Variants in WDPCP observed in about 807,000 individuals in gnomAD.
WDPCP encodes WD repeat containing planar cell polarity effector, also known as WD repeat-containing and planar cell polarity effector protein fritz homolog.
A neutral mutation model predicts 93.1 loss-of-function variants in WDPCP; 71 were observed. That is an observed-to-expected ratio of 0.76 (90% CI 0.63 to 0.93). WDPCP has a LOEUF of 0.93. WDPCP is among the 40% of genes least tolerant of loss of function. The probability of loss-of-function intolerance (pLI) is 0.00; values close to 1 mark genes in which losing one functional copy is unlikely to be tolerated. For synonymous variants in WDPCP, 315 were observed against 315.0 expected (o/e 1.00, Z 0.00); for missense variants, 844 against 887.4 (o/e 0.95, Z 0.62).
At chr2:63,467,410 G>A (rs1352701834) in intron 6 of WDPCP, among the ~76,000 whole-genome samples, 2 of 151,892 alleles carry the variant, frequency 1.3e-5, no homozygotes, top group South Asian at 2.1e-4. Context: ...AACCCAGGAG[G>A]TGGAGGTTGG....
At chr2:63,300,825 C>T (rs940161823) in intron 13 of WDPCP, among the ~76,000 whole-genome samples, 2 of 152,222 alleles carry the variant, frequency 1.3e-5, no homozygotes, top group African/African-American at 4.8e-5. Flanking sequence ...CATGTCATTT[C>T]CAGGTCTCTG....
At chr2:63,224,951 G>GA (rs1464815936) in intron 14 of WDPCP, among the ~76,000 whole-genome samples, 3 of 151,772 alleles carry the variant, frequency 2.0e-5, no homozygotes, top group African/African-American at 7.3e-5. Flanking sequence ...TACCATTCTA[G>GA]AAGGGGATGT....
chr2:63,464,621 G>A (rs1381820474), intron 6 of WDPCP, among the ~76,000 whole-genome samples: 2 of 151,966 alleles, frequency 1.3e-5, no homozygotes. Context: ...ACTCTAAGAG[G>A]TGGAAGCAAT....
chr2:63,165,487 AT>A (rs1679082126), intron 15 of WDPCP, among the ~76,000 whole-genome samples: 1 of 151,634 alleles, frequency 6.6e-6, no homozygotes, highest in Non-Finnish European at 1.5e-5. Flanking sequence ...GTTTTTCTTT[AT>A]TTTCAATGCT....
intron 2 of WDPCP, among the ~76,000 whole-genome samples, chr2:63,791,817 T>C (rs1479394245): frequency 6.6e-6 from 1 of 152,164 alleles, no homozygotes; most frequent in Non-Finnish European, 1.5e-5. Flanking sequence ...TTACTGAATG[T>C]TTCTAGACCT....
At chr2:63,499,066 T>C (rs930438278) in intron 1 of WDPCP, among the ~76,000 whole-genome samples, 1 of 152,226 alleles carries the variant, frequency 6.6e-6, no homozygotes, top group Admixed American at 6.5e-5. Flanking sequence ...GAGTCATAGA[T>C]ACAAAGTTTT....
chr2:63,792,228 TG>T (rs547341748), intron 2 of WDPCP, among the ~76,000 whole-genome samples: 35 of 152,182 alleles, frequency 2.3e-4, no homozygotes, highest in Non-Finnish European at 4.4e-4. Flanking sequence ...TCCACATGGC[TG>T]GGGAGGCCTC....
intron 2 of WDPCP, among the ~76,000 whole-genome samples, chr2:63,687,074 G>C (rs1486026196): frequency 6.6e-6 from 1 of 152,036 alleles, no homozygotes; most frequent in East Asian, 1.9e-4. Flanking sequence ...TAGCTGATGA[G>C]CTAAAAAAAA....
chr2:63,802,030 T>C (rs929352379), intron 2 of WDPCP, among the ~76,000 whole-genome samples: 1 of 152,030 alleles, frequency 6.6e-6, no homozygotes, highest in African/African-American at 2.4e-5. Context: ...TCAAGAAAGG[T>C]TATCAAAGAA....
intron 6 of WDPCP, among the ~76,000 whole-genome samples, chr2:63,475,189 G>C (rs1699907690): frequency 6.6e-6 from 1 of 152,080 alleles, no homozygotes; most frequent in Admixed American, 6.6e-5. Context: ...TGTCAAAAGA[G>C]GAAATCAAAT....
chr2:63,575,469 A>ACTGTATATACAGTATATACACT (rs760952950), intron 1 of WDPCP, among the ~76,000 whole-genome samples: 1 of 16,314 alleles, frequency 6.1e-5, no homozygotes, highest in Non-Finnish European at 1.2e-4. Context: ...GTATATATGC[A>ACTGTATATACAGTATATACACT]GTATATACAG....
At chr2:63,553,824 T>C (rs1464248393) in intron 1 of WDPCP, among the ~76,000 whole-genome samples, 1 of 152,154 alleles carries the variant, frequency 6.6e-6, no homozygotes, top group Non-Finnish European at 1.5e-5. Flanking sequence ...ATTCCCCAAT[T>C]AACATTTTAC....
At chr2:63,729,984 T>C (rs1026095284) in intron 2 of WDPCP, among the ~76,000 whole-genome samples, 2 of 152,178 alleles carry the variant, frequency 1.3e-5, no homozygotes, top group African/African-American at 4.8e-5. Context: ...ATAGTGAGAA[T>C]GGGAGAAAGA....
At chr2:63,234,182 G>C (rs1314739623) in intron 14 of WDPCP, among the ~76,000 whole-genome samples, 1 of 152,166 alleles carries the variant, frequency 6.6e-6, no homozygotes, top group Non-Finnish European at 1.5e-5. Context: ...TCTAGTTCTT[G>C]CACCAATCAG....
chr2:63,667,222 A>C (rs1710294487), intron 2 of WDPCP, among the ~76,000 whole-genome samples: 3 of 152,178 alleles, frequency 2.0e-5, no homozygotes, highest in South Asian at 4.1e-4. Context: ...GTGGTCTCTC[A>C]CTGACATGGT....
chr2:63,131,418 T>C (rs1221446109), intron 17 of WDPCP, among the ~76,000 whole-genome samples: 1 of 152,208 alleles, frequency 6.6e-6, no homozygotes, highest in Non-Finnish European at 1.5e-5. Context: ...ATTTATGCAA[T>C]TTATGTTACA....
At chr2:63,801,529 T>G (rs1335437812) in intron 2 of WDPCP, among the ~76,000 whole-genome samples, 2 of 152,152 alleles carry the variant, frequency 1.3e-5, no homozygotes, top group African/African-American at 4.8e-5. Context: ...GTGGCCAGCT[T>G]CTATTCCCTT....
At chr2:63,442,086 T>C (rs1209575812) in intron 6 of WDPCP, 1 of 152,066 alleles carries the variant, frequency 6.6e-6, no homozygotes, top group Non-Finnish European at 1.5e-5. Flanking sequence ...ACTGACTCCC[T>C]ACAACTTCAA....
intron 9 of WDPCP, among the ~76,000 whole-genome samples, chr2:63,429,080 C>T (rs1696530286): frequency 6.6e-6 from 1 of 152,102 alleles, no homozygotes; most frequent in Non-Finnish European, 1.5e-5. Flanking sequence ...GAAAACACTC[C>T]CTATTCAATA....
Sources: gnomAD v4.1 joint callset for allele counts (sites outside exome capture counted in the v4.1 genomes callset) on GRCh38, gnomAD v4.1.1 for gene constraint, MANE v1.5 for transcripts, NCBI Gene and HGNC (gene_info 2026-07-23, HGNC 2026-07-21) for gene names.